ADCY10: variants seen among roughly 807,000 people sequenced by gnomAD.
The protein encoded by ADCY10 is adenylate cyclase 10, also known as adenylate cyclase type 10.
In ADCY10, 156 loss-of-function variants were observed where a neutral mutation model predicts 183.3. The observed-to-expected ratio is 0.85, with a 90% CI of 0.75 to 0.97. The LOEUF (loss-of-function observed/expected upper bound fraction) is 0.97, where lower values mean the gene tolerates loss of function less well. ADCY10 is among the 50% of genes least tolerant of loss of function. The pLI is 0.00. For missense variants in ADCY10, 1,745 were observed against 1,934.3 expected, an observed-to-expected ratio of 0.90 and a Z score of 1.84; for synonymous variants, 645 against 670.0, an observed-to-expected ratio of 0.96 and a Z score of 0.58.
chr1:167,851,961 T>A (rs556899332), intron 18 of ADCY10, among the ~76,000 whole-genome samples: 1 of 152,320 alleles, frequency 6.6e-6, no homozygotes, highest in East Asian at 1.9e-4. Context: ...ATCATATTTA[T>A]TTTTTTAATT....
intron 21 of ADCY10, among the ~76,000 whole-genome samples, chr1:167,840,940 ATTTT>A (rs377437888): frequency 1.6e-5 from 2 of 124,130 alleles, no homozygotes; most frequent in Non-Finnish European, 1.6e-5. Context: ...GAATAAAATG[ATTTT>A]TTTTTTTTTT....
In ADCY10 at chr1:167,896,636, C is replaced by A. The variant is rs1668996145; in HGVS notation, c.698G>T (p.Cys233Phe). Residue 233 changes from cysteine to phenylalanine, a missense_variant, in exon 7 of 33, where the codon TGT (cysteine) becomes TTT (phenylalanine). Coordinates refer to ENST00000367851, the MANE Select transcript of ADCY10 (RefSeq NM_018417.6). ...NFNFDEFFTK[C>F]TTFMHYYPSG... is the part of the protein sequence containing the mutation. ...AGGATAATAATGCATGAAGGTCGTA[C>A]ACTTTGTGAAAAATTCATCAAAATT... 3 of 1,613,774 alleles carry A rather than the reference C, an allele frequency of 1.9e-6. No individual in the cohort carries two copies. In the South Asian group the frequency reaches 3.3e-5, roughly 18 times the overall value.
At chr1:167,819,920 ATCT>A (rs1363063041) in intron 30 of ADCY10, 31 of 1,057,956 alleles carry the variant, frequency 2.9e-5, no homozygotes, top group Non-Finnish European at 2.1e-5. Context: ...TAGGCAAAAC[ATCT>A]TCTCCAGGCC....
intron 10 of ADCY10, 41 bp from the exon 11 acceptor site, chr1:167,880,232 G>A: frequency 2.0e-6 from 3 of 1,522,704 alleles, no homozygotes; most frequent in Non-Finnish European, 2.7e-6. Context: ...AAGAAATAAA[G>A]ATAATGAGCG....
intron 25 of ADCY10, among the ~76,000 whole-genome samples, chr1:167,831,877 G>A (rs1267806891): frequency 6.6e-6 from 1 of 152,160 alleles, no homozygotes; most frequent in Non-Finnish European, 1.5e-5. Context: ...GCAACCCTAT[G>A]TGTAATGCAA....
rs1320041145 is a variant in ADCY10 at position 167,867,793 on chromosome 1, TACAC to T, written c.1616+2460_1616+2463del. Among the ~76,000 whole-genome samples the T allele has an allele frequency of 2.6e-5, 4 of 152,102 alleles. No individual in the cohort carries two copies. The East Asian group carries it at 7.7e-4, about 29-fold the overall frequency. ...TCTTTAAACTGAAAAAAAAAAAAGT[TACAC>T]AGCAGGAAATAAGTATATCTGCCAC... On this transcript the variant is annotated intron_variant, in intron 14 of 32. Transcript: ENST00000367851.
chr1:167,906,834 A>C (rs1669856028), intron 1 of ADCY10, among the ~76,000 whole-genome samples: 1 of 152,056 alleles, frequency 6.6e-6, no homozygotes, highest in Non-Finnish European at 1.5e-5. Flanking sequence ...AAGAAAATTG[A>C]ATGTCGAGAA....
chr1:167,867,318 C>T (rs542645149), intron 14 of ADCY10, among the ~76,000 whole-genome samples: 51 of 152,278 alleles, frequency 3.3e-4, no homozygotes, highest in African/African-American at 1.1e-3. Flanking sequence ...GACTGGTCCA[C>T]GCACGGCCGA....
chr1:167,865,717 A>T (rs1180992837), intron 14 of ADCY10, among the ~76,000 whole-genome samples: 2 of 152,244 alleles, frequency 1.3e-5, no homozygotes, highest in African/African-American at 4.8e-5. Context: ...CAATTAAGAC[A>T]GCATACCAAG....
chr1:167,905,042 T>A lies in ADCY10; in HGVS notation c.99A>T (p.Arg33=), dbSNP rs1669718808. 6.2e-7 allele frequency: 1 copy of A among 1,614,018 alleles called. No individual in the cohort carries two copies. Among genetic ancestry groups the A allele is most frequent in the Non-Finnish European group, 8.5e-7 (1 of 1,180,038 alleles). The change falls in exon 2 of 33, where the codon CGA becomes CGT. Residue 33 remains arginine, a synonymous_variant. Coordinates refer to ENST00000367851, the MANE Select transcript of ADCY10 (RefSeq NM_018417.6). ...CTCCGTCAAAATAATCCATAAAGGG[T>A]CGCTCTGGGGAGAAATGTCCATAGA... ...LIVYGHFSPE[R]PFMDYFDGVL... is the part of the protein sequence containing the mutation.
chr1:167,854,201 TG>T, intron 18 of ADCY10, 151 bp downstream of exon 18: 1 of 960,716 alleles, frequency 1.0e-6, no homozygotes, highest in Non-Finnish European at 1.7e-6. Context: ...GCTTACAATC[TG>T]GAATATCGGA....
At chr1:167,842,327 T>G (rs1664708576) in intron 21 of ADCY10, among the ~76,000 whole-genome samples, 2 of 152,150 alleles carry the variant, frequency 1.3e-5, no homozygotes, top group African/African-American at 2.4e-5. Context: ...TTTAGTTTTT[T>G]GTAGAGACAG....
chr1:167,878,735 T>C, intron 11 of ADCY10, 100 bp from the exon 12 acceptor site: 3 of 1,215,998 alleles, frequency 2.5e-6, no homozygotes, highest in Non-Finnish European at 3.6e-6. Flanking sequence ...TACCCTTTAC[T>C]CCCTTTGCTG....
At chr1:167,833,906 T>A in intron 24 of ADCY10, 64 bp downstream of exon 24, 2 of 1,293,836 alleles carry the variant, frequency 1.5e-6, no homozygotes, top group Non-Finnish European at 2.2e-6. Flanking sequence ...AGGGATGACT[T>A]CTACTTCTAT....
intron 21 of ADCY10, among the ~76,000 whole-genome samples, chr1:167,839,846 C>T (rs1664483843): frequency 6.6e-6 from 1 of 152,098 alleles, no homozygotes; most frequent in Non-Finnish European, 1.5e-5. Flanking sequence ...TGCATAAACG[C>T]ACGTTTGTTG....
chr1:167,887,367 T>C (rs1668298817), intron 8 of ADCY10, among the ~76,000 whole-genome samples: 1 of 152,168 alleles, frequency 6.6e-6, no homozygotes, highest in African/African-American at 2.4e-5. Flanking sequence ...TATGCACCCA[T>C]AAAAAGGATG....
At chr1:167,886,706 T>G (rs554449672) in intron 8 of ADCY10, among the ~76,000 whole-genome samples, 38 of 152,188 alleles carry the variant, frequency 2.5e-4, no homozygotes, top group Admixed American at 5.2e-4. Flanking sequence ...CAGGATCCAA[T>G]TAAACTAAAG....
chr1:167,878,798 A>G (rs1004630474), intron 11 of ADCY10, among the ~76,000 whole-genome samples, 163 bp from the exon 12 acceptor site: 2 of 152,234 alleles, frequency 1.3e-5, no homozygotes, highest in Non-Finnish European at 2.9e-5. Context: ...GCCAATGGCT[A>G]TTCACAAAAT....
At position 167,899,640 on chromosome 1, in the gene ADCY10, G is replaced by T. The variant is rs1431102210; in HGVS notation, c.437-12C>A. On this transcript the variant is annotated splice_polypyrimidine_tract_variant and intron_variant, in intron 5 of 32. Transcript: ENST00000367851. ...GCCAGCAGCCAGTCCTGGCAAGAAG[G>T]CAAGGAATAGGTTTGCACAAGAAGT... 6.2e-7 allele frequency: 1 copy of T among 1,613,160 alleles called. No individual in the cohort carries two copies.
Sources: allele counts gnomAD v4.1 joint callset (sites outside exome capture counted in the v4.1 genomes callset), GRCh38; gene constraint gnomAD v4.1.1; transcripts MANE v1.5; gene names NCBI Gene and HGNC (gene_info 2026-07-23, HGNC 2026-07-21).